CCSER1: variants seen among roughly 807,000 people sequenced by gnomAD.
CCSER1 encodes the protein coiled-coil serine rich protein 1, also known as serine-rich coiled-coil domain-containing protein 1.
Under a neutral mutation model 82.0 loss-of-function variants are expected in CCSER1, and 41 were observed. The observed-to-expected ratio is 0.50, with a 90% CI of 0.39 to 0.65. CCSER1 has a LOEUF of 0.65. CCSER1 is among the 30% of genes least tolerant of loss of function. The pLI is 0.00. For synonymous variants in CCSER1, 414 were observed against 383.9 expected (o/e 1.08, Z -0.92); for missense variants, 1,119 against 1,064.2 (o/e 1.05, Z -0.72).
At chr4:90,669,191 A>G (rs745961202) in intron 6 of CCSER1, among the ~76,000 whole-genome samples, 1 of 152,244 alleles carries the variant, frequency 6.6e-6, no homozygotes. Flanking sequence ...GACTAAAGGT[A>G]TAATGAGTGG....
chr4:90,685,601 G>A (rs1371899670), intron 6 of CCSER1, among the ~76,000 whole-genome samples: 8 of 152,026 alleles, frequency 5.3e-5, no homozygotes, highest in African/African-American at 1.9e-4. Flanking sequence ...AAGACCCTCA[G>A]CTCAAGTTTA....
At chr4:90,359,881 A>G (rs1045175569) in intron 3 of CCSER1, among the ~76,000 whole-genome samples, 3 of 80,442 alleles carry the variant, frequency 3.7e-5, no homozygotes, top group African/African-American at 7.5e-5. Context: ...ATATGTGTGT[A>G]TATATATGTG....
chr4:90,738,918 T>C (rs1746093727), intron 7 of CCSER1, among the ~76,000 whole-genome samples: 1 of 152,164 alleles, frequency 6.6e-6, no homozygotes, highest in African/African-American at 2.4e-5. Flanking sequence ...CAGGAGCCAG[T>C]GCCTGGAATT....
intron 6 of CCSER1, among the ~76,000 whole-genome samples, chr4:90,708,047 T>C (rs539561570): frequency 6.6e-6 from 1 of 152,276 alleles, no homozygotes; most frequent in Admixed American, 6.5e-5. Flanking sequence ...TAGTTCAAGG[T>C]CAACCAGCAG....
intron 10 of CCSER1, among the ~76,000 whole-genome samples, chr4:91,194,100 G>T (rs1185492882): frequency 6.6e-6 from 1 of 152,160 alleles, no homozygotes; most frequent in African/African-American, 2.4e-5. Context: ...CTCCCAAGTA[G>T]CTGGGATTGC....
At chr4:91,571,102 CCACCTCAGCCTGGACTTCA>C (rs1191678085) in intron 10 of CCSER1, among the ~76,000 whole-genome samples, 1 of 152,176 alleles carries the variant, frequency 6.6e-6, no homozygotes, top group Non-Finnish European at 1.5e-5. Flanking sequence ...CCATCTGAGA[CCACCTCAGCCTGGACTTCA>C]TTGTCCATAT....
intron 3 of CCSER1, among the ~76,000 whole-genome samples, chr4:90,344,238 G>A (rs753770415): frequency 1.2e-4 from 19 of 152,058 alleles, no homozygotes; most frequent in Non-Finnish European, 2.2e-4. Flanking sequence ...TTTTACAGTC[G>A]AATAGTACTT....
intron 9 of CCSER1, among the ~76,000 whole-genome samples, chr4:91,082,311 AG>A (rs1561532818): frequency 6.6e-6 from 1 of 152,238 alleles, no homozygotes. Context: ...AAATGGGGAA[AG>A]GATTCCCTAT....
intron 8 of CCSER1, among the ~76,000 whole-genome samples, chr4:90,857,673 A>G (rs1436814225): frequency 1.3e-5 from 2 of 152,128 alleles, no homozygotes; most frequent in Admixed American, 6.6e-5. Context: ...TCCAACTGTC[A>G]TACCAACCAT....
chr4:90,850,364 T>G (rs967326078), intron 8 of CCSER1, among the ~76,000 whole-genome samples: 1 of 152,154 alleles, frequency 6.6e-6, no homozygotes, highest in Non-Finnish European at 1.5e-5. Flanking sequence ...GATCCCAGAA[T>G]CATAGATCCA....
chr4:91,271,192 GTCA>G (rs1316770217), intron 10 of CCSER1, among the ~76,000 whole-genome samples: 8 of 152,118 alleles, frequency 5.3e-5, no homozygotes, highest in Admixed American at 3.9e-4. Context: ...TCTAGGCTTT[GTCA>G]TCATATCTCC....
chr4:91,557,676 A>G (rs963811488), intron 10 of CCSER1, among the ~76,000 whole-genome samples: 3 of 151,440 alleles, frequency 2.0e-5, no homozygotes, highest in African/African-American at 7.3e-5. Context: ...CTAATGGAGT[A>G]CAAGAAGATA....
chr4:90,798,741 T>A (rs951507148), intron 7 of CCSER1, among the ~76,000 whole-genome samples: 1 of 152,128 alleles, frequency 6.6e-6, no homozygotes, highest in Non-Finnish European at 1.5e-5. Flanking sequence ...TCTGGAAGAT[T>A]TTAGGGGGTC....
At chr4:91,412,037 T>G (rs1404110710) in intron 10 of CCSER1, among the ~76,000 whole-genome samples, 1 of 152,014 alleles carries the variant, frequency 6.6e-6, no homozygotes, top group African/African-American at 2.4e-5. Flanking sequence ...AACAATAATT[T>G]TGCAGCCATC....
intron 10 of CCSER1, among the ~76,000 whole-genome samples, chr4:91,570,702 A>G (rs563809299): frequency 6.6e-6 from 1 of 152,098 alleles, no homozygotes; most frequent in South Asian, 2.1e-4. Context: ...GGCCCAGGAA[A>G]CCATTTTTCC....
intron 1 of CCSER1, among the ~76,000 whole-genome samples, chr4:90,175,825 T>C (rs1212849877): frequency 6.6e-6 from 1 of 151,970 alleles, no homozygotes; most frequent in Admixed American, 6.6e-5. Flanking sequence ...ATAGATATAG[T>C]AAGTGCAGTA....
At chr4:91,583,483 C>T (rs987398960) in intron 10 of CCSER1, among the ~76,000 whole-genome samples, 9 of 151,194 alleles carry the variant, frequency 6.0e-5, no homozygotes, top group African/African-American at 2.2e-4. Context: ...GTAGATGGTG[C>T]TAATTATGAT....
chr4:91,180,520 T>C (rs922546143), intron 10 of CCSER1, among the ~76,000 whole-genome samples: 13 of 152,222 alleles, frequency 8.5e-5, no homozygotes, highest in East Asian at 7.7e-4. Context: ...CGGACGCCCC[T>C]TCCCCAGCCT....
intron 7 of CCSER1, among the ~76,000 whole-genome samples, chr4:90,776,251 AC>A (rs1186066873): frequency 6.6e-6 from 1 of 152,194 alleles, no homozygotes; most frequent in Non-Finnish European, 1.5e-5. Flanking sequence ...GGCAAATCTT[AC>A]TTTTTGTTTT....
Sources: allele counts gnomAD v4.1 joint callset (sites outside exome capture counted in the v4.1 genomes callset), GRCh38; gene constraint gnomAD v4.1.1; transcripts MANE v1.5; gene names NCBI Gene and HGNC (gene_info 2026-07-23, HGNC 2026-07-21).